Variants in ZFYVE26 observed in about 807,000 individuals in gnomAD.
The protein encoded by ZFYVE26 is zinc finger FYVE domain-containing protein 26.
ZFYVE26 carries 181 observed loss-of-function variants against 276.5 expected under a neutral mutation model. That is an observed-to-expected ratio of 0.65 (90% CI 0.58 to 0.74). ZFYVE26 has a LOEUF of 0.74. ZFYVE26 is among the 30% of genes least tolerant of loss of function. ZFYVE26 has a pLI of 0.00. For missense variants in ZFYVE26, 2,821 were observed against 3,097.9 expected (o/e 0.91, Z 2.12); for synonymous variants, 1,129 against 1,203.1 (o/e 0.94, Z 1.27).
chr14:67,751,004 A>C, intron 41 of ZFYVE26, 48 bp downstream of exon 41: 1 of 1,612,230 alleles, frequency 6.2e-7, no homozygotes. Context: ...GGCAAGCCTG[A>C]GACACAATTC....
intron 13 of ZFYVE26, among the ~76,000 whole-genome samples, chr14:67,731,998 G>T (rs1163924544): frequency 6.6e-6 from 1 of 151,594 alleles, no homozygotes; most frequent in Admixed American, 6.6e-5. Context: ...ATGTTGGTGG[G>T]TGCCTGTAAT....
Position 67,793,738 on chromosome 14 carries a change from G to C in ZFYVE26, c.2423C>G (p.Ser808Cys), listed in dbSNP as rs199612702. The C allele has an allele frequency of 1.9e-5, 31 of 1,613,914 alleles. No homozygotes were observed. The highest frequency in any genetic ancestry group is 2.2e-5 in the Non-Finnish European group (26 of 1,179,964). ...STSEGSLSAM[S>C]GRNELHSRLH... Reference sequence around the variant, plus strand: ...TCTACTGTGCAGCTCATTCCGGCCAGACATGGCACTCAGACTTCCCTCTGT... The same window carrying C: ...TCTACTGTGCAGCTCATTCCGGCCACACATGGCACTCAGACTTCCCTCTGT... The change falls in exon 14 of 42, where the codon TCT (serine) becomes TGT (cysteine). Residue 808 changes from serine (S) to cysteine (C), a missense_variant. By Grantham distance (112) the Ser-to-Cys change is moderately radical. Transcript: ENST00000347230.
At position 67,786,158 on chromosome 14, in the gene ZFYVE26, T is replaced by C; in HGVS notation, c.3095A>G (p.Lys1032Arg). 6.2e-7 allele frequency: 1 copy of C among 1,613,666 alleles called. No homozygotes were observed. The highest frequency in any genetic ancestry group is 8.5e-7 in the Non-Finnish European group (1 of 1,179,986). ...TGACATAAGCAGATAATTGAGACTCTTACTGATTTGCTGAAGAACAACTGG... is the reference window on the plus strand; with the variant it reads ...TGACATAAGCAGATAATTGAGACTCCTACTGATTTGCTGAAGAACAACTGG... ...GFPVVLQQIS[K>R]SLNYLLMSAS... Residue 1032 changes from lysine to arginine, a missense_variant, in exon 17 of 42, where the codon AAG becomes AGG. Transcript: ENST00000347230.
chr14:67,761,590 A>T lies in ZFYVE26; in HGVS notation c.6370-6T>A. 1 of 1,613,438 alleles carries T rather than the reference A, an allele frequency of 6.2e-7. No individual in the cohort carries two copies. The highest frequency in any genetic ancestry group is 8.5e-7 in the Non-Finnish European group (1 of 1,179,640). ...GCAAAGTAATCGTCATCTTGCTGACAGCACAGGGAGCGAGAGAGAAAAATG... is the reference window on the plus strand; with the variant it reads ...GCAAAGTAATCGTCATCTTGCTGACTGCACAGGGAGCGAGAGAGAAAAATG... On this transcript the variant is annotated splice_polypyrimidine_tract_variant and splice_region_variant and intron_variant, in intron 34 of 41. Transcript: ENST00000347230.
chr14:67,769,555 C>T (rs375063359), intron 29 of ZFYVE26, 39 bp downstream of exon 29: 26 of 1,610,846 alleles, frequency 1.6e-5, no homozygotes, highest in South Asian at 4.4e-5. Context: ...AAGGGTGCAG[C>T]GGTCAATAAT....
intron 19 of ZFYVE26, 92 bp from the exon 20 acceptor site, chr14:67,784,528 C>T (rs1432874929): frequency 3.5e-6 from 4 of 1,134,628 alleles, no homozygotes; most frequent in Non-Finnish European, 5.4e-6. Flanking sequence ...AGTACAGTGT[C>T]AAGATGAAGA....
chr14:67,739,940 A>G (rs1258813332), intron 13 of ZFYVE26, among the ~76,000 whole-genome samples: 1 of 152,208 alleles, frequency 6.6e-6, no homozygotes, highest in Non-Finnish European at 1.5e-5. Flanking sequence ...CAATATAATA[A>G]AAGTTTATTT....
intron 3 of ZFYVE26, among the ~76,000 whole-genome samples, chr14:67,812,998 A>C (rs532681933): frequency 6.6e-6 from 1 of 152,154 alleles, no homozygotes; most frequent in Non-Finnish European, 1.5e-5. Flanking sequence ...TTTCTTTCCT[A>C]AACAACTGGC....
intron 13 of ZFYVE26, among the ~76,000 whole-genome samples, chr14:67,736,511 C>T (rs1188785458): frequency 6.6e-6 from 1 of 151,464 alleles, no homozygotes; most frequent in Non-Finnish European, 1.5e-5. Context: ...ACTATGTGGA[C>T]TAAAAGGCAA....
chr14:67,780,465 G>C, intron 22 of ZFYVE26, 120 bp from the exon 23 acceptor site: 2 of 886,500 alleles, frequency 2.3e-6, no homozygotes, highest in Non-Finnish European at 3.6e-6. Flanking sequence ...CAGGCTGTCA[G>C]AACTTGCCAG....
rs2038625442 is a variant in ZFYVE26, at chr14:67,751,056, T to C, written c.7412A>G (p.Asn2471Ser). The C allele has an allele frequency of 1.2e-6, 2 of 1,614,262 alleles. No individual in the cohort carries two copies. The highest frequency in any genetic ancestry group is 1.7e-6 in the Non-Finnish European group (2 of 1,180,050). The change falls in exon 41 of 42, where the codon AAC (asparagine) becomes AGC (serine). Residue 2471 changes from asparagine (N) to serine (S), a missense_variant. Physicochemically the swap from Asn to Ser is conservative, Grantham distance 46. Transcript: ENST00000347230. ...TTTGGAGACAATTCCGCTCACCTTG[T>C]TGTCATCATTGTGTATTGCCTGGAT... ...GLIQAIHNDD[N>S]KVRAYLICCK...
In ZFYVE26 at chr14:67,789,467, CCT is replaced by C; in HGVS notation, c.2885_2886del (p.Glu962GlyfsTer14). 6.2e-7 allele frequency: 1 copy of C among 1,614,220 alleles called. No homozygotes were observed. Among genetic ancestry groups the C allele is most frequent in the Non-Finnish European group, 8.5e-7 (1 of 1,180,044 alleles). On this transcript the variant is annotated frameshift_variant, in exon 16 of 42. Transcript: ENST00000347230. LOFTEE classifies it high-confidence loss of function. ...GCAGGGGGACTGAGGTCTTCCAGAACCTCTCTCAGGGGAGCAGTGGGCTCCAC... is the reference window on the plus strand; with the variant it reads ...GCAGGGGGACTGAGGTCTTCCAGAACCTCTCAGGGGAGCAGTGGGCTCCAC... The part of the protein sequence containing the change: ...ALVEPTAPLR[E>X]VLEDLSPPAM...
downstream of ZFYVE26, among the ~76,000 whole-genome samples, chr14:67,746,242 A>T (rs2038485991): frequency 6.6e-6 from 1 of 151,998 alleles, no homozygotes; most frequent in Non-Finnish European, 1.5e-5. Context: ...GGGACTTTTC[A>T]CTTACCTTTT....
chr14:67,753,927 G>A, intron 38 of ZFYVE26, 144 bp downstream of exon 38: 1 of 1,507,522 alleles, frequency 6.6e-7, no homozygotes, highest in Admixed American at 1.7e-5. Flanking sequence ...AAATGGACCT[G>A]ATCACCAGTC....
At position 67,798,447 on chromosome 14, in the gene ZFYVE26, A is replaced by G. The variant is rs747969543; in HGVS notation, c.1815T>C (p.Ile605=). ...LPEDYAEDDD[I]EGKSPSGLRS... ...TCAAACCTGAGGGGCTCTTCCCCTC[A>G]ATGTCATCATCCTCAGCATAGTCCT... The change falls in exon 11 of 42, where the codon ATT becomes ATC. Residue 605 remains isoleucine (I), a synonymous_variant. Transcript: ENST00000347230. The G allele has an allele frequency of 2.9e-5, 47 of 1,614,156 alleles. No homozygotes were observed. The highest frequency in any genetic ancestry group is 4.0e-5 in the Non-Finnish European group (47 of 1,180,000).
intron 37 of ZFYVE26, 63 bp downstream of exon 37, chr14:67,754,988 C>T: frequency 6.4e-7 from 1 of 1,564,860 alleles, no homozygotes; most frequent in Non-Finnish European, 8.8e-7. Context: ...AGCTTCATCA[C>T]CTACAGACAA....
At chr14:67,804,327 A>C (rs2040135596) in intron 8 of ZFYVE26, 63 bp from the exon 9 acceptor site, 1 of 1,573,738 alleles carries the variant, frequency 6.4e-7, no homozygotes, top group Non-Finnish European at 8.7e-7. Flanking sequence ...AAGAAAGATC[A>C]ATCTCCATTC....
At position 67,807,808 on chromosome 14, in the gene ZFYVE26, T is replaced by C. The variant is rs1385627000; in HGVS notation, c.476A>G (p.Asp159Gly). ...LSSEAVSVLWDLLRQSPQPAQ... is the reference protein window; with the variant it reads ...LSSEAVSVLWGLLRQSPQPAQ... Reference sequence around the variant, plus strand: ...TGGCTGGGGAGACTGCCTCAGGAGATCCCAGAGCACAGAGACAGCTTCGGA... The same window carrying C: ...TGGCTGGGGAGACTGCCTCAGGAGACCCCAGAGCACAGAGACAGCTTCGGA... The change falls in exon 5 of 42, where the codon GAT becomes GGT. Residue 159 changes from aspartate (D) to glycine (G), a missense_variant. Asp to Gly is a moderately conservative substitution (Grantham distance 94, BLOSUM62 -1). Coordinates refer to ENST00000347230, the MANE Select transcript of ZFYVE26 (RefSeq NM_015346.4). The C allele has an allele frequency of 5.0e-6, 8 of 1,613,894 alleles. No individual in the cohort carries two copies. In the East Asian group the frequency reaches 6.7e-5, roughly 13 times the overall value.
At chr14:67,736,680 T>A (rs1378797142) in intron 13 of ZFYVE26, among the ~76,000 whole-genome samples, 1 of 152,200 alleles carries the variant, frequency 6.6e-6, no homozygotes, top group Admixed American at 6.5e-5. Context: ...CAAGTGATAA[T>A]GGTGAACATA....
Sources: gnomAD v4.1 joint callset for allele counts (sites outside exome capture counted in the v4.1 genomes callset) on GRCh38, gnomAD v4.1.1 for gene constraint, MANE v1.5 for transcripts, NCBI Gene and HGNC (gene_info 2026-07-23, HGNC 2026-07-21) for gene names.